The following CAB39L variants were observed in gnomAD, a reference collection of about 807,000 sequenced individuals.
CAB39L encodes the protein calcium binding protein 39 like.
In CAB39L, 23 loss-of-function variants were observed where a neutral mutation model predicts 39.1. The ratio of observed to expected loss-of-function variants is 0.59; its 90% CI spans 0.42 to 0.83. The LOEUF (loss-of-function observed/expected upper bound fraction) is 0.83, where lower values mean the gene tolerates loss of function less well. Among genes scored for constraint, CAB39L ranks in the 40% least tolerant of loss-of-function variants. The pLI is 0.00. For missense variants in CAB39L, 366 were observed against 391.9 expected, an observed-to-expected ratio of 0.93 and a Z score of 0.56; for synonymous variants, 126 against 137.2, an observed-to-expected ratio of 0.92 and a Z score of 0.57.
intron 5 of CAB39L, among the ~76,000 whole-genome samples, chr13:49,372,992 A>G (rs548915511): frequency 1.3e-5 from 2 of 152,208 alleles, no homozygotes; most frequent in East Asian, 1.9e-4. Flanking sequence ...TTATTAGTAC[A>G]AAGTTCCTTT....
rs183256288 is a variant in CAB39L, at chr13:49,313,460, A to G, written c.835-2467T>C. 8.7e-3 allele frequency among the ~76,000 whole-genome samples: 1,319 copies of G among 151,626 alleles called. 7 individuals are homozygous for G. The highest frequency in any genetic ancestry group is 0.014 in the Non-Finnish European group (950 of 67,872). On this transcript the variant is annotated intron_variant, in intron 10 of 10. Coordinates refer to ENST00000409308, the MANE Select transcript of CAB39L (RefSeq NM_001079670.3). ...CGCGCCACTGCACTCTAGCCTGGGC[A>G]ACAGAGTGAGACTCCGTCTCAAAAA...
intron 3 of CAB39L, among the ~76,000 whole-genome samples, chr13:49,393,462 T>A (rs1244332444): frequency 1.3e-5 from 2 of 152,024 alleles, no homozygotes; most frequent in African/African-American, 2.4e-5. Context: ...TATCTATTCA[T>A]CCCTTCAGCT....
At position 49,310,754 on chromosome 13, in the gene CAB39L, G is replaced by T; in HGVS notation, c.*60C>A. ...CCCAAGAATGATGACTTTCTGAAAT[G>T]ACACACTGTACAAACTGGACAAATG... On this transcript the variant is annotated 3_prime_UTR_variant, in exon 11 of 11. Coordinates refer to ENST00000409308, the MANE Select transcript of CAB39L (RefSeq NM_001079670.3). The T allele has an allele frequency of 6.6e-7, 1 of 1,518,692 alleles. No individual in the cohort carries two copies. The highest frequency in any genetic ancestry group is 1.3e-5 in the South Asian group (1 of 79,552). The allele number at this position is 1,518,692 out of a possible 1,614,324, so 94.1% of individuals were successfully genotyped here.
chr13:49,429,806 C>G (rs945937192), intron 3 of CAB39L, among the ~76,000 whole-genome samples: 11 of 152,112 alleles, frequency 7.2e-5, no homozygotes, highest in African/African-American at 2.7e-4. Flanking sequence ...ATTGAACACT[C>G]CTTTTTGTGT....
intron 1 of CAB39L, among the ~76,000 whole-genome samples, chr13:49,437,953 T>C (rs1055488555): frequency 1.3e-5 from 2 of 152,182 alleles, no homozygotes; most frequent in African/African-American, 4.8e-5. Flanking sequence ...GCTTCCTAAG[T>C]ACCTGGGACT....
intron 10 of CAB39L, 47 bp downstream of exon 10, chr13:49,331,900 G>GA (rs766940665): frequency 1.0e-5 from 16 of 1,593,368 alleles, no homozygotes; most frequent in Admixed American, 3.4e-5. Context: ...TTTGGAACTG[G>GA]AAAAAAAATT....
intron 3 of CAB39L, among the ~76,000 whole-genome samples, chr13:49,410,738 A>C (rs1956974013): frequency 6.6e-6 from 1 of 152,248 alleles, no homozygotes; most frequent in African/African-American, 2.4e-5. Flanking sequence ...TTCAAAGTCA[A>C]AGCCATTTAT....
At chr13:49,409,754 A>G (rs1956950308) in intron 3 of CAB39L, among the ~76,000 whole-genome samples, 1 of 152,096 alleles carries the variant, frequency 6.6e-6, no homozygotes, top group East Asian at 1.9e-4. Flanking sequence ...TATGTGTTTG[A>G]GCAGAGTGAA....
intron 10 of CAB39L, among the ~76,000 whole-genome samples, chr13:49,331,155 A>G (rs1954680117): frequency 1.3e-5 from 2 of 152,086 alleles, no homozygotes; most frequent in Non-Finnish European, 2.9e-5. Flanking sequence ...TCTCCCACCT[A>G]CCCCACCTGT....
At chr13:49,408,839 CA>C (rs369325132) in intron 3 of CAB39L, among the ~76,000 whole-genome samples, 41 of 151,374 alleles carry the variant, frequency 2.7e-4, no homozygotes, top group Admixed American at 5.9e-4. Context: ...CCCTCCCCCC[CA>C]AAAAAAGGCA....
At chr13:49,375,588 T>C (rs939894235) in intron 5 of CAB39L, among the ~76,000 whole-genome samples, 6 of 151,782 alleles carry the variant, frequency 4.0e-5, no homozygotes, top group Admixed American at 1.3e-4. Context: ...TAGGTGGGAA[T>C]TGAACAATGA....
intron 5 of CAB39L, among the ~76,000 whole-genome samples, chr13:49,371,274 T>A (rs7998955): frequency 6.7e-5 from 10 of 150,306 alleles, no homozygotes; most frequent in Non-Finnish European, 1.0e-4. Context: ...TGCAACCTCC[T>A]CCTCCTGGGT....
chr13:49,356,493 TG>T (rs1430138336), intron 6 of CAB39L, among the ~76,000 whole-genome samples: 1 of 152,204 alleles, frequency 6.6e-6, no homozygotes, highest in Non-Finnish European at 1.5e-5. Flanking sequence ...TCATAGAACT[TG>T]GGCTCCAAAT....
chr13:49,411,329 G>C (rs1300412000), intron 3 of CAB39L, among the ~76,000 whole-genome samples: 1 of 150,568 alleles, frequency 6.6e-6, no homozygotes, highest in Non-Finnish European at 1.5e-5. Context: ...AGAATCTCTT[G>C]AGCCTTGGAG....
intron 10 of CAB39L, among the ~76,000 whole-genome samples, chr13:49,317,005 G>T (rs1954176680): frequency 1.3e-5 from 2 of 152,164 alleles, no homozygotes; most frequent in African/African-American, 2.4e-5. Context: ...GATTCTCCCT[G>T]AGAGTCTCCA....
intron 10 of CAB39L, among the ~76,000 whole-genome samples, chr13:49,326,138 T>C (rs1328904716): frequency 2.0e-5 from 3 of 152,102 alleles, no homozygotes; most frequent in Admixed American, 6.6e-5. Context: ...ACACCTTACA[T>C]GGTTTGGTGG....
intron 7 of CAB39L, 52 bp from the exon 8 acceptor site, chr13:49,344,290 C>T: frequency 1.0e-6 from 1 of 998,956 alleles, no homozygotes; most frequent in Non-Finnish European, 1.6e-6. Flanking sequence ...ATTAATATTA[C>T]AAATGTGTCT....
At chr13:49,317,076 CTGT>C (rs1954178736) in intron 10 of CAB39L, among the ~76,000 whole-genome samples, 2 of 152,152 alleles carry the variant, frequency 1.3e-5, no homozygotes. Flanking sequence ...ACTGTGTTTT[CTGT>C]TGTTTTAAGC....
chr13:49,332,040 C>T lies in CAB39L; in HGVS notation c.741G>A (p.Lys247=). The part of the protein sequence containing the change: ...LDRHNFAIMT[K]YISKPENLKL... ...TCAGGTTCTCCGGCTTGCTGATATA[C>T]TTTGTCATGATGGCAAAGTTGTGAC... The change falls in exon 10 of 11, where the codon AAG becomes AAA. Residue 247 remains lysine, a synonymous_variant. Coordinates refer to ENST00000409308, the MANE Select transcript of CAB39L (RefSeq NM_001079670.3). The T allele has an allele frequency of 3.1e-6, 5 of 1,614,172 alleles. No homozygotes were observed. The highest frequency in any genetic ancestry group is 4.2e-6 in the Non-Finnish European group (5 of 1,180,008).
Sources: allele counts gnomAD v4.1 joint callset (sites outside exome capture counted in the v4.1 genomes callset), GRCh38; gene constraint gnomAD v4.1.1; transcripts MANE v1.5; gene names NCBI Gene and HGNC (gene_info 2026-07-23, HGNC 2026-07-21).